Variants in ZNG1B observed in about 807,000 individuals in gnomAD.
ZNG1B encodes the protein zinc-regulated GTPase metalloprotein activator 1B.
chr2:113,462,505 A>T, the ZNG1B span: 2 of 1,591,946 alleles, frequency 1.3e-6, no homozygotes, highest in Non-Finnish European at 1.7e-6. Context: ...GTACGAAATG[A>T]TAAGTGTGTT....
At chr2:113,462,482 G>T in the ZNG1B span, 2 of 1,596,690 alleles carry the variant, frequency 1.3e-6, no homozygotes, top group Admixed American at 3.3e-5. Context: ...AAGAAATTAA[G>T]AGCGACAATT....
the ZNG1B span, among the ~76,000 whole-genome samples, chr2:113,464,890 A>G: frequency 6.6e-6 from 1 of 152,136 alleles, no homozygotes; most frequent in African/African-American, 2.4e-5. Context: ...CAGTTGTGCG[A>G]ATTTTTGCAT....
chr2:113,471,157 A>G, the ZNG1B span: 190 of 1,176,554 alleles, frequency 1.6e-4, no homozygotes, highest in Non-Finnish European at 2.2e-4. Flanking sequence ...AACAGGAATG[A>G]TTTGCACAAT....
chr2:113,459,955 T>C, the ZNG1B span, among the ~76,000 whole-genome samples: 6 of 146,836 alleles, frequency 4.1e-5, no homozygotes, highest in African/African-American at 1.5e-4. Context: ...AAACTACCAC[T>C]TGGGCTCTAA....
At chr2:113,450,273 G>GT in the ZNG1B span, among the ~76,000 whole-genome samples, 1 of 140,146 alleles carries the variant, frequency 7.1e-6, no homozygotes, top group Admixed American at 7.3e-5. Flanking sequence ...CATGACGCCA[G>GT]TTTTTTTAAT....
the ZNG1B span, among the ~76,000 whole-genome samples, chr2:113,488,992 T>G: frequency 7.2e-6 from 1 of 138,662 alleles, no homozygotes; most frequent in Non-Finnish European, 1.5e-5. Context: ...GAGACCTAGA[T>G]GCAAATACAA....
the ZNG1B span, among the ~76,000 whole-genome samples, chr2:113,493,259 G>A: frequency 7.4e-6 from 1 of 134,928 alleles, no homozygotes; most frequent in African/African-American, 2.7e-5. Context: ...TTGGTTTTGA[G>A]TTTTATTCCT....
the ZNG1B span, among the ~76,000 whole-genome samples, chr2:113,440,500 T>G: frequency 6.6e-6 from 1 of 152,162 alleles, no homozygotes; most frequent in Non-Finnish European, 1.5e-5. Context: ...TTCATATTTT[T>G]GTGATGTTGA....
At chr2:113,441,273 C>T in the ZNG1B span, 131 of 1,346,928 alleles carry the variant, frequency 9.7e-5, 1 homozygote, top group African/African-American at 1.6e-3. Flanking sequence ...TTCTCAAAAA[C>T]GTTAGGATTC....
At chr2:113,456,217 T>C in the ZNG1B span, among the ~76,000 whole-genome samples, 136 of 152,194 alleles carry the variant, frequency 8.9e-4, no homozygotes, top group African/African-American at 3.2e-3. Context: ...TTTATGAATT[T>C]ATGAATATAA....
chr2:113,441,454 A>G, the ZNG1B span: 2 of 1,605,118 alleles, frequency 1.2e-6, no homozygotes, highest in Non-Finnish European at 1.7e-6. Context: ...AAAGTTCAAT[A>G]AATGTCATGT....
the ZNG1B span, among the ~76,000 whole-genome samples, chr2:113,472,592 C>T: frequency 0.27 from 41,314 of 150,724 alleles, 6,268 homozygotes; most frequent in East Asian, 0.52. Context: ...ATGCCTAGGT[C>T]TTCTTCTAGG....
the ZNG1B span, among the ~76,000 whole-genome samples, chr2:113,475,234 C>T: frequency 8.2e-3 from 1,227 of 149,022 alleles, 3 homozygotes; most frequent in Middle Eastern, 0.035. Context: ...ATCCCTTTAC[C>T]ATTATGTAAT....
the ZNG1B span, among the ~76,000 whole-genome samples, chr2:113,464,081 C>G: frequency 1.4e-5 from 2 of 138,930 alleles, no homozygotes; most frequent in African/African-American, 2.7e-5. Flanking sequence ...GAGACCTAAG[C>G]TAAATCTCTG....
the ZNG1B span, chr2:113,454,912 A>G: frequency 1.0e-6 from 1 of 956,258 alleles, no homozygotes; most frequent in South Asian, 1.6e-5. Context: ...ATCCTGAACA[A>G]TAGGTGAAAT....
chr2:113,454,691 T>C, the ZNG1B span: 11 of 1,549,502 alleles, frequency 7.1e-6, no homozygotes, highest in Non-Finnish European at 8.9e-6. Flanking sequence ...TGCACAAATA[T>C]TAATAAACAT....
the ZNG1B span, among the ~76,000 whole-genome samples, chr2:113,451,757 A>G: frequency 6.6e-6 from 1 of 150,622 alleles, no homozygotes; most frequent in South Asian, 2.1e-4. Context: ...GATAAATACC[A>G]GTTTTAGAAT....
the ZNG1B span, among the ~76,000 whole-genome samples, chr2:113,460,251 GA>G: frequency 1.3e-5 from 2 of 151,122 alleles, 1 homozygote; most frequent in East Asian, 3.9e-4. Context: ...TAGATTCTAA[GA>G]AACTATATTT....
the ZNG1B span, among the ~76,000 whole-genome samples, chr2:113,450,498 C>T: frequency 1.3e-5 from 2 of 149,114 alleles, no homozygotes; most frequent in African/African-American, 5.0e-5. Context: ...GCATTTTCAT[C>T]TTATTCTGCT....
Sources: gnomAD v4.1 joint callset for allele counts (sites outside exome capture counted in the v4.1 genomes callset) on GRCh38, gnomAD v4.1.1 for gene constraint, MANE v1.5 for transcripts, NCBI Gene and HGNC (gene_info 2026-07-23, HGNC 2026-07-21) for gene names.